Variants in PCDH9 observed in about 807,000 individuals in gnomAD.
PCDH9 encodes protocadherin 9.
PCDH9 carries 24 observed loss-of-function variants against 70.6 expected under a neutral mutation model. The ratio of observed to expected loss-of-function variants is 0.34; its 90% CI spans 0.25 to 0.48. The LOEUF is 0.48. Ranked by LOEUF, PCDH9 falls within the 20% of genes least tolerant of loss-of-function variation. The pLI, the probability that PCDH9 is intolerant of heterozygous loss-of-function variation, is 0.99. For missense variants in PCDH9, 1,281 were observed against 1,503.6 expected (o/e 0.85, Z 2.45); for synonymous variants, 562 against 558.5 (o/e 1.01, Z -0.09).
intron 4 of PCDH9, among the ~76,000 whole-genome samples, chr13:66,492,476 T>C (rs1221055823): frequency 2.0e-5 from 3 of 148,152 alleles, no homozygotes; most frequent in Admixed American, 6.8e-5. Flanking sequence ...TAAACAAATA[T>C]ATATAATGAT....
chr13:66,308,082 G>C (rs557379903), intron 4 of PCDH9, among the ~76,000 whole-genome samples: 27 of 152,160 alleles, frequency 1.8e-4, no homozygotes, highest in Admixed American at 5.9e-4. Context: ...ATTGCCTTAA[G>C]AGCAGTGAGC....
intron 3 of PCDH9, among the ~76,000 whole-genome samples, chr13:66,869,520 G>C (rs918204683): frequency 6.6e-5 from 10 of 152,090 alleles, no homozygotes; most frequent in African/African-American, 2.4e-4. Flanking sequence ...AGACTGGAAT[G>C]TTCCCTTTCT....
chr13:66,886,731 T>G lies in PCDH9; in HGVS notation c.3138+16773A>C, dbSNP rs116306761. The stretch of plus-strand genomic sequence containing the variant: ...AGTAAACAGCTAAGTAGCAGTGTGA[T>G]ATGGATGTGTGTGGGTATCTGAAGA... On this transcript the variant is annotated intron_variant, in intron 3 of 4. Coordinates refer to ENST00000377865, the MANE Select transcript of PCDH9 (RefSeq NM_203487.3). Among the ~76,000 whole-genome samples, 1,250 of 152,290 alleles carry G rather than the reference T, an allele frequency of 8.2e-3. 16 individuals are homozygous for G. The highest frequency in any genetic ancestry group is 0.029 in the African/African-American group (1,192 of 41,566).
chr13:66,306,837 C>T (rs1324053928), intron 4 of PCDH9, among the ~76,000 whole-genome samples: 6 of 152,000 alleles, frequency 3.9e-5, no homozygotes, highest in Non-Finnish European at 7.4e-5. Context: ...TTGCCCTCTA[C>T]AATCTGGCCA....
intron 3 of PCDH9, among the ~76,000 whole-genome samples, chr13:66,732,023 A>C (rs181797390): frequency 6.6e-6 from 1 of 152,104 alleles, no homozygotes; most frequent in Non-Finnish European, 1.5e-5. Context: ...AATAATTTTG[A>C]CATGTATTTT....
intron 2 of PCDH9, among the ~76,000 whole-genome samples, chr13:67,135,891 C>T (rs2087221178): frequency 6.6e-6 from 1 of 151,944 alleles, no homozygotes; most frequent in South Asian, 2.1e-4. Flanking sequence ...TTCTTTGCTA[C>T]CTTCATTTAC....
intron 4 of PCDH9, among the ~76,000 whole-genome samples, chr13:66,622,802 T>G (rs1199884187): frequency 6.6e-6 from 1 of 152,164 alleles, no homozygotes; most frequent in African/African-American, 2.4e-5. Context: ...CTGGTGGACT[T>G]TCCCACTGTG....
intron 3 of PCDH9, among the ~76,000 whole-genome samples, chr13:66,802,048 A>G (rs1222806099): frequency 1.3e-5 from 2 of 151,668 alleles, no homozygotes; most frequent in Non-Finnish European, 2.9e-5. Flanking sequence ...AGTGTCTTTA[A>G]GTGTGGGAGG....
chr13:66,931,089 C>G, intron 2 of PCDH9, among the ~76,000 whole-genome samples: 1 of 152,098 alleles, frequency 6.6e-6, no homozygotes, highest in East Asian at 1.9e-4. Flanking sequence ...TGTTTTTCAA[C>G]TGTTTTGTTG....
chr13:66,494,901 T>A (rs1228405506), intron 4 of PCDH9, among the ~76,000 whole-genome samples: 2 of 152,112 alleles, frequency 1.3e-5, no homozygotes, highest in African/African-American at 4.8e-5. Flanking sequence ...AATATTGTTC[T>A]TGAGAAATTT....
At chr13:67,125,520 T>C (rs1324001765) in intron 2 of PCDH9, among the ~76,000 whole-genome samples, 1 of 152,160 alleles carries the variant, frequency 6.6e-6, no homozygotes, top group Non-Finnish European at 1.5e-5. Flanking sequence ...AATCACAGCA[T>C]AATTATGAAC....
intron 4 of PCDH9, among the ~76,000 whole-genome samples, chr13:66,422,082 TAA>T: frequency 6.6e-6 from 1 of 152,018 alleles, no homozygotes. Flanking sequence ...TACATAATGG[TAA>T]AGGGATCAAT....
At chr13:66,559,847 C>T (rs1372818488) in intron 4 of PCDH9, among the ~76,000 whole-genome samples, 6 of 143,890 alleles carry the variant, frequency 4.2e-5, no homozygotes, top group Non-Finnish European at 9.1e-5. Flanking sequence ...CACACACACA[C>T]ACACACACAC....
intron 4 of PCDH9, among the ~76,000 whole-genome samples, chr13:66,344,302 A>T (rs1956179301): frequency 6.6e-6 from 1 of 151,812 alleles, no homozygotes; most frequent in African/African-American, 2.4e-5. Context: ...AATTTTTTGT[A>T]TTTAGTAGAG....
intron 2 of PCDH9, among the ~76,000 whole-genome samples, chr13:66,946,131 T>C (rs1333714594): frequency 6.6e-6 from 1 of 152,118 alleles, no homozygotes; most frequent in Non-Finnish European, 1.5e-5. Flanking sequence ...TTCTTTCTTT[T>C]GTGAGATGCC....
intron 3 of PCDH9, among the ~76,000 whole-genome samples, chr13:66,896,646 T>C (rs2082184277): frequency 6.6e-6 from 1 of 152,236 alleles, no homozygotes; most frequent in Non-Finnish European, 1.5e-5. Flanking sequence ...GTTTTAAAGC[T>C]GAGTCCGTTG....
At chr13:66,324,936 T>C (rs1435838091) in intron 4 of PCDH9, among the ~76,000 whole-genome samples, 2 of 151,974 alleles carry the variant, frequency 1.3e-5, no homozygotes, top group Non-Finnish European at 2.9e-5. Context: ...TTAGAGCGTC[T>C]GTCATCTCTC....
At chr13:66,933,547 C>T (rs2082851755) in intron 2 of PCDH9, among the ~76,000 whole-genome samples, 1 of 152,142 alleles carries the variant, frequency 6.6e-6, no homozygotes, top group Non-Finnish European at 1.5e-5. Context: ...ACCCCAGTAT[C>T]TAAATTAGGA....
At chr13:66,766,056 C>T (rs946987830) in intron 3 of PCDH9, among the ~76,000 whole-genome samples, 6 of 151,794 alleles carry the variant, frequency 4.0e-5, no homozygotes, top group African/African-American at 1.5e-4. Flanking sequence ...CAAATTTAAA[C>T]ATGAAAAATT....
Sources: allele counts gnomAD v4.1 joint callset (sites outside exome capture counted in the v4.1 genomes callset), GRCh38; gene constraint gnomAD v4.1.1; transcripts MANE v1.5; gene names NCBI Gene and HGNC (gene_info 2026-07-23, HGNC 2026-07-21).